PDE1C: variants seen among roughly 807,000 people sequenced by gnomAD.
The protein encoded by PDE1C is dual specificity calcium/calmodulin-dependent 3',5'-cyclic nucleotide phosphodiesterase 1C.
Under a neutral mutation model 93.1 loss-of-function variants are expected in PDE1C, and 62 were observed. That is an observed-to-expected ratio of 0.67 (90% CI 0.54 to 0.82). PDE1C has a LOEUF of 0.82. Among genes scored for constraint, PDE1C ranks in the 40% least tolerant of loss-of-function variants. The probability of loss-of-function intolerance (pLI) is 0.00; values close to 1 mark genes in which losing one functional copy is unlikely to be tolerated. For synonymous variants in PDE1C, 325 were observed against 310.1 expected, an observed-to-expected ratio of 1.05 and a Z score of -0.50; for missense variants, 742 against 884.6, an observed-to-expected ratio of 0.84 and a Z score of 2.04.
intron 2 of PDE1C, among the ~76,000 whole-genome samples, chr7:32,031,170 AG>A (rs953169428): frequency 2.6e-5 from 4 of 152,178 alleles, no homozygotes; most frequent in Non-Finnish European, 5.9e-5. Flanking sequence ...CATCATTGGT[AG>A]TCATAACATC....
intron 1 of PDE1C, among the ~76,000 whole-genome samples, chr7:32,265,464 C>T (rs1350568114): frequency 6.6e-6 from 1 of 152,032 alleles, no homozygotes; most frequent in Non-Finnish European, 1.5e-5. Context: ...CTTTTAAGGG[C>T]AATGTAATGG....
intron 15 of PDE1C, among the ~76,000 whole-genome samples, chr7:31,810,563 C>T (rs1329548831): frequency 1.3e-5 from 2 of 152,110 alleles, no homozygotes; most frequent in African/African-American, 4.8e-5. Flanking sequence ...ATCCCACTCA[C>T]CAAATGATTG....
intron 1 of PDE1C, chr7:32,052,438 G>C: frequency 2.3e-6 from 1 of 437,134 alleles, no homozygotes; most frequent in East Asian, 7.1e-5. Context: ...CTTCATATGT[G>C]TGTCAATTTT....
intron 2 of PDE1C, among the ~76,000 whole-genome samples, chr7:31,925,385 G>A (rs1237063131): frequency 6.6e-6 from 1 of 152,008 alleles, no homozygotes; most frequent in East Asian, 1.9e-4. Flanking sequence ...GAGGCACTAG[G>A]GAAGACAGTG....
At chr7:31,961,240 ATATG>A (rs80219038) in intron 2 of PDE1C, among the ~76,000 whole-genome samples, 10,193 of 149,872 alleles carry the variant, frequency 0.068, 494 homozygotes, top group East Asian at 0.28. Flanking sequence ...ATGTATATGT[ATATG>A]TATATATATA....
chr7:32,135,848 G>A (rs776203450), intron 3 of PDE1C, among the ~76,000 whole-genome samples: 52 of 152,106 alleles, frequency 3.4e-4, no homozygotes, highest in Non-Finnish European at 1.3e-4. Flanking sequence ...CTTCACTACA[G>A]CCAAGATATC....
At chr7:32,363,413 A>G (rs1784174353) in intron 1 of PDE1C, among the ~76,000 whole-genome samples, 1 of 152,226 alleles carries the variant, frequency 6.6e-6, no homozygotes. Context: ...ATGGTCCTCT[A>G]TTGCCTTCTA....
chr7:31,707,708 TAG>T, the PDE1C span: 4 of 165,940 alleles, frequency 2.4e-5, no homozygotes, highest in African/African-American at 7.2e-5. Context: ...TGTTGCCAGT[TAG>T]AGAGGTGAGA....
chr7:32,420,908 AT>A (rs751996079), intron 1 of PDE1C, among the ~76,000 whole-genome samples: 10 of 152,104 alleles, frequency 6.6e-5, no homozygotes, highest in Non-Finnish European at 1.0e-4. Context: ...CAAAAATCAA[AT>A]CAGTGTCTGA....
chr7:32,295,887 C>G (rs1340821576), intron 1 of PDE1C, among the ~76,000 whole-genome samples: 1 of 84,960 alleles, frequency 1.2e-5, no homozygotes, highest in Admixed American at 1.6e-4. Flanking sequence ...GAGCGAGACT[C>G]TGTCTCAAAA....
intron 1 of PDE1C, among the ~76,000 whole-genome samples, chr7:32,252,961 A>G (rs1175440025): frequency 6.6e-6 from 1 of 152,154 alleles, no homozygotes; most frequent in Non-Finnish European, 1.5e-5. Flanking sequence ...AGCTCTTGAG[A>G]CCATACTTTG....
At chr7:32,364,333 A>AGAAAGGACCAAGGCAACAG in intron 1 of PDE1C, among the ~76,000 whole-genome samples, 1 of 152,226 alleles carries the variant, frequency 6.6e-6, no homozygotes, top group Non-Finnish European at 1.5e-5. Flanking sequence ...CAAGGCAACA[A>AGAAAGGACCAAGGCAACAG]ATAAACAGCT....
intron 3 of PDE1C, among the ~76,000 whole-genome samples, chr7:31,880,506 A>T (rs1797109173): frequency 6.6e-6 from 1 of 152,014 alleles, no homozygotes; most frequent in Admixed American, 6.6e-5. Flanking sequence ...CTCTTTCATG[A>T]TCTCACTTCC....
chr7:32,093,285 C>T (rs937276577), intron 3 of PDE1C, among the ~76,000 whole-genome samples: 2 of 152,132 alleles, frequency 1.3e-5, no homozygotes, highest in Admixed American at 6.5e-5. Context: ...AGCATTAATC[C>T]CCATTTTCCC....
At chr7:31,903,118 G>A (rs1318679457) in intron 2 of PDE1C, among the ~76,000 whole-genome samples, 1 of 151,486 alleles carries the variant, frequency 6.6e-6, no homozygotes, top group African/African-American at 2.4e-5. Flanking sequence ...CTAGACTTAA[G>A]GCATTAAATA....
At chr7:31,872,645 T>G (rs1796084734) in intron 6 of PDE1C, among the ~76,000 whole-genome samples, 1 of 152,116 alleles carries the variant, frequency 6.6e-6, no homozygotes, top group Non-Finnish European at 1.5e-5. Context: ...ATCCCTTTGA[T>G]GAGGGAAGTC....
At chr7:31,911,931 C>T (rs1161488894) in intron 2 of PDE1C, among the ~76,000 whole-genome samples, 3 of 152,116 alleles carry the variant, frequency 2.0e-5, no homozygotes, top group African/African-American at 7.2e-5. Flanking sequence ...CTCCCATTGC[C>T]CATTGGAGAA....
intron 9 of PDE1C, among the ~76,000 whole-genome samples, chr7:31,838,635 C>T (rs1400073214): frequency 2.6e-5 from 4 of 152,106 alleles, no homozygotes; most frequent in Non-Finnish European, 4.4e-5. Flanking sequence ...AATATCCATA[C>T]AGAATAGATT....
At chr7:32,370,755 G>A (rs1458735586) in intron 1 of PDE1C, among the ~76,000 whole-genome samples, 2 of 151,254 alleles carry the variant, frequency 1.3e-5, no homozygotes, top group African/African-American at 2.4e-5. Flanking sequence ...CCTGCACGTT[G>A]TGCACATGTA....
Sources: allele counts gnomAD v4.1 joint callset (sites outside exome capture counted in the v4.1 genomes callset), GRCh38; gene constraint gnomAD v4.1.1; transcripts MANE v1.5; gene names NCBI Gene and HGNC (gene_info 2026-07-23, HGNC 2026-07-21).